ERAP1: variants seen among roughly 807,000 people sequenced by gnomAD.
ERAP1 encodes the protein adipocyte-derived leucine aminopeptidase.
A neutral mutation model predicts 103.7 loss-of-function variants in ERAP1; 86 were observed. That is an observed-to-expected ratio of 0.83 (90% CI 0.70 to 0.99). ERAP1 has a LOEUF of 0.99. Among genes scored for constraint, ERAP1 ranks in the 50% least tolerant of loss-of-function variants. ERAP1 has a pLI of 0.00. For synonymous variants in ERAP1, 398 were observed against 402.4 expected (o/e 0.99, Z 0.13); for missense variants, 1,009 against 1,128.4 (o/e 0.89, Z 1.52).
At chr5:96,902,415 T>C in the ERAP1 span, 3 of 1,019,476 alleles carry the variant, frequency 2.9e-6, no homozygotes, top group Non-Finnish European at 3.1e-6. Context: ...GTTGAGCTAT[T>C]TGAAGGAACG....
At chr5:96,826,977 C>A in the ERAP1 span, among the ~76,000 whole-genome samples, 1 of 152,186 alleles carries the variant, frequency 6.6e-6, no homozygotes, top group South Asian at 2.1e-4. Flanking sequence ...CAACTCTATC[C>A]CCACAAAGCT....
chr5:96,834,735 T>G, the ERAP1 span, among the ~76,000 whole-genome samples: 1 of 152,218 alleles, frequency 6.6e-6, no homozygotes, highest in Non-Finnish European at 1.5e-5. Context: ...TCACTGGAAG[T>G]GTTTGATGCT....
chr5:96,858,019 C>T, the ERAP1 span, among the ~76,000 whole-genome samples: 1 of 152,268 alleles, frequency 6.6e-6, no homozygotes, highest in Non-Finnish European at 1.5e-5. Context: ...ATAGCAAGGG[C>T]AGTGGCAGGG....
chr5:96,867,287 A>C, the ERAP1 span, among the ~76,000 whole-genome samples: 1 of 152,106 alleles, frequency 6.6e-6, no homozygotes, highest in Non-Finnish European at 1.5e-5. Context: ...GGTTACAGGC[A>C]TGAACCACCG....
At chr5:96,890,224 A>G in the ERAP1 span, among the ~76,000 whole-genome samples, 1 of 152,114 alleles carries the variant, frequency 6.6e-6, no homozygotes, top group African/African-American at 2.4e-5. Flanking sequence ...TGTGGAAACA[A>G]TTTTTCCACG....
the ERAP1 span, among the ~76,000 whole-genome samples, chr5:96,859,209 C>T: frequency 2.6e-5 from 4 of 151,952 alleles, no homozygotes; most frequent in Admixed American, 6.6e-5. Flanking sequence ...GGTCTCTGGG[C>T]GACACAGGAG....
the ERAP1 span, among the ~76,000 whole-genome samples, chr5:96,904,431 A>C: frequency 6.6e-6 from 1 of 152,240 alleles, no homozygotes; most frequent in Non-Finnish European, 1.5e-5. Context: ...GAAAGTGACC[A>C]GCAGGACATC....
the ERAP1 span, among the ~76,000 whole-genome samples, chr5:96,899,005 C>T: frequency 6.6e-6 from 1 of 152,054 alleles, no homozygotes; most frequent in African/African-American, 2.4e-5. Flanking sequence ...TGCATACTGG[C>T]AGTAGAGGGT....
chr5:96,847,247 C>CAAAAA, the ERAP1 span, among the ~76,000 whole-genome samples: 17 of 85,012 alleles, frequency 2.0e-4, no homozygotes, highest in Non-Finnish European at 3.4e-4. Flanking sequence ...GACTCCATCT[C>CAAAAA]AAAAAAAAAA....
the ERAP1 span, among the ~76,000 whole-genome samples, chr5:96,922,980 TG>T: frequency 6.6e-6 from 1 of 152,140 alleles, no homozygotes; most frequent in South Asian, 2.1e-4. Flanking sequence ...TTTTGTTTTT[TG>T]TTTTTTGTTT....
chr5:96,813,650 CAAAAAAAAAA>C, the ERAP1 span, among the ~76,000 whole-genome samples: 15 of 55,166 alleles, frequency 2.7e-4, 1 homozygote, highest in Admixed American at 2.2e-4. Context: ...AGACTCATCT[CAAAAAAAAAA>C]AAAAAAAAAA....
At chr5:96,878,287 T>C in the ERAP1 span, among the ~76,000 whole-genome samples, 1 of 152,176 alleles carries the variant, frequency 6.6e-6, no homozygotes, top group Non-Finnish European at 1.5e-5. Context: ...TTTTGACATA[T>C]TGAAAATAAA....
upstream of ERAP1, chr5:96,808,261 T>TGTGTGTGTG (rs1387638650): frequency 3.5e-4 from 289 of 837,522 alleles, no homozygotes; most frequent in African/African-American, 1.9e-3. Context: ...TGTGTGTGTG[T>TGTGTGTGTG]TGAGATGCTT....
At chr5:96,862,363 A>C in the ERAP1 span, among the ~76,000 whole-genome samples, 1 of 152,244 alleles carries the variant, frequency 6.6e-6, no homozygotes, top group African/African-American at 2.4e-5. Context: ...TGCCATCTCA[A>C]TAAACAGTAA....
chr5:96,848,578 T>C, the ERAP1 span: 30 of 152,250 alleles, frequency 2.0e-4, no homozygotes, highest in African/African-American at 6.0e-4. Flanking sequence ...CAAAACTCCA[T>C]CATGAAGAAA....
the ERAP1 span, among the ~76,000 whole-genome samples, chr5:96,856,824 A>G: frequency 6.6e-6 from 1 of 152,266 alleles, no homozygotes; most frequent in East Asian, 1.9e-4. Context: ...TCTGATCCAA[A>G]TATCAATATT....
At chr5:96,932,615 C>G in the ERAP1 span, among the ~76,000 whole-genome samples, 1 of 152,074 alleles carries the variant, frequency 6.6e-6, no homozygotes, top group Non-Finnish European at 1.5e-5. Flanking sequence ...GTGGATTGTG[C>G]GTAAATATTC....
At chr5:96,819,791 A>G in the ERAP1 span, among the ~76,000 whole-genome samples, 1 of 152,206 alleles carries the variant, frequency 6.6e-6, no homozygotes, top group Non-Finnish European at 1.5e-5. Flanking sequence ...CATATTCAGC[A>G]CAGTATTCTA....
chr5:96,896,267 G>T, the ERAP1 span: 2 of 853,098 alleles, frequency 2.3e-6, no homozygotes, highest in Non-Finnish European at 3.5e-6. Context: ...AAGAAATATC[G>T]ATTGAAATCT....
Sources: gnomAD v4.1 joint callset for allele counts (sites outside exome capture counted in the v4.1 genomes callset) on GRCh38, gnomAD v4.1.1 for gene constraint, MANE v1.5 for transcripts, NCBI Gene and HGNC (gene_info 2026-07-23, HGNC 2026-07-21) for gene names.